Variants in PTGR2 observed in about 807,000 individuals in gnomAD.
PTGR2 encodes the protein prostaglandin reductase 2.
Under a neutral mutation model 43.4 loss-of-function variants are expected in PTGR2, and 32 were observed. The observed-to-expected ratio is 0.74, with a 90% CI of 0.56 to 0.99. The LOEUF is 0.99. Among genes scored for constraint, PTGR2 ranks in the 50% least tolerant of loss-of-function variants. The pLI, the probability that PTGR2 is intolerant of heterozygous loss-of-function variation, is 0.00. For missense variants in PTGR2, 373 were observed against 420.0 expected (o/e 0.89, Z 0.98); for synonymous variants, 106 against 139.2 (o/e 0.76, Z 1.68).
At chr14:73,863,047 C>A (rs1277001328) in intron 3 of PTGR2, among the ~76,000 whole-genome samples, 5 of 152,160 alleles carry the variant, frequency 3.3e-5, no homozygotes, top group African/African-American at 1.2e-4. Flanking sequence ...TATATTCACA[C>A]ACTATACAAT....
At position 73,880,094 on chromosome 14, in the gene PTGR2, T is replaced by A; in HGVS notation, c.769T>A (p.Ser257Thr). 6.2e-7 allele frequency: 1 copy of A among 1,613,912 alleles called. No homozygotes were observed. The highest frequency in any genetic ancestry group is 8.5e-7 in the Non-Finnish European group (1 of 1,179,850). Residue 257 changes from serine to threonine, a missense_variant, in exon 7 of 10, where the codon TCT becomes ACT. Coordinates refer to ENST00000555661, the MANE Select transcript of PTGR2 (RefSeq NM_001146154.2). ...NSHIILCGQISQYNKDVPYPP... is the reference protein window; with the variant it reads ...NSHIILCGQITQYNKDVPYPP... ...CCACATCATCCTGTGTGGTCAAATT[T>A]CTCAGTACAACAAAGATGTGCCTTA...
chr14:73,858,815 G>A lies in PTGR2; in HGVS notation c.-47-1G>A. On this transcript the variant is annotated splice_acceptor_variant, in intron 1 of 9. Coordinates refer to ENST00000555661, the MANE Select transcript of PTGR2 (RefSeq NM_001146154.2). LOFTEE classifies it low-confidence loss of function (5UTR_SPLICE). Reference sequence around the variant, plus strand: ...TGATTTAAAAATTTTTTTATTTATAGGAGTATTTTATACAGAAATCTTGTG... The same window carrying A: ...TGATTTAAAAATTTTTTTATTTATAAGAGTATTTTATACAGAAATCTTGTG... 1.3e-6 allele frequency: 2 copies of A among 1,493,826 alleles called. No individual in the cohort carries two copies. Among genetic ancestry groups the A allele is most frequent in the Non-Finnish European group, 9.2e-7 (1 of 1,087,898 alleles). 92.5% of individuals were successfully genotyped at this position (1,493,826 alleles called of 1,614,324 possible).
At chr14:73,873,528 A>G (rs111752032) in intron 3 of PTGR2, among the ~76,000 whole-genome samples, 1,673 of 150,220 alleles carry the variant, frequency 0.011, 25 homozygotes, top group African/African-American at 0.039. Flanking sequence ...ACAGTGGTGC[A>G]ATCTTGGCTC....
intron 3 of PTGR2, among the ~76,000 whole-genome samples, chr14:73,862,985 G>T (rs1426439153): frequency 6.6e-6 from 1 of 152,094 alleles, no homozygotes; most frequent in Non-Finnish European, 1.5e-5. Flanking sequence ...GAGATTTCAG[G>T]TGTGAGCCAC....
intron 3 of PTGR2, among the ~76,000 whole-genome samples, chr14:73,862,149 T>C (rs1246765511): frequency 6.6e-6 from 1 of 152,016 alleles, no homozygotes; most frequent in African/African-American, 2.4e-5. Flanking sequence ...TTTTTCATTA[T>C]TGAAGACATT....
intron 3 of PTGR2, among the ~76,000 whole-genome samples, chr14:73,865,054 G>A (rs754632864): frequency 6.6e-6 from 1 of 152,104 alleles, no homozygotes; most frequent in Non-Finnish European, 1.5e-5. Flanking sequence ...ACATAGGCAT[G>A]CACCCACAGA....
At chr14:73,857,671 T>G (rs1203725619) in intron 1 of PTGR2, among the ~76,000 whole-genome samples, 1 of 117,032 alleles carries the variant, frequency 8.5e-6, no homozygotes, top group Non-Finnish European at 1.8e-5. Flanking sequence ...AGTGTTTTTT[T>G]TTTTTTTTTT....
intron 3 of PTGR2, among the ~76,000 whole-genome samples, chr14:73,867,539 A>G (rs1296973093): frequency 6.6e-6 from 1 of 152,178 alleles, no homozygotes; most frequent in African/African-American, 2.4e-5. Context: ...AAATGATGGA[A>G]CAACTAGGAT....
chr14:73,879,971 T>A, intron 6 of PTGR2, 84 bp from the exon 7 acceptor site: 1 of 1,373,640 alleles, frequency 7.3e-7, no homozygotes, highest in South Asian at 1.2e-5. Context: ...AAGGATTAAA[T>A]AGTCAAGGAG....
intron 3 of PTGR2, among the ~76,000 whole-genome samples, chr14:73,863,177 A>G (rs1395813322): frequency 6.6e-6 from 1 of 152,210 alleles, no homozygotes; most frequent in Non-Finnish European, 1.5e-5. Flanking sequence ...CCTATGGTAT[A>G]ATTAGCAATC....
At chr14:73,875,109 C>T (rs1419284289) in intron 4 of PTGR2, among the ~76,000 whole-genome samples, 1 of 152,196 alleles carries the variant, frequency 6.6e-6, no homozygotes, top group East Asian at 1.9e-4. Context: ...ATCTGTCTGT[C>T]TTGGTCTCCC....
intron 4 of PTGR2, chr14:73,874,542 A>G: frequency 2.1e-6 from 1 of 470,716 alleles, no homozygotes; most frequent in East Asian, 6.5e-5. Flanking sequence ...AGATGGTTGA[A>G]GGTGTTCTTT....
chr14:73,877,276 A>C, intron 5 of PTGR2, 108 bp downstream of exon 5: 1 of 1,078,168 alleles, frequency 9.3e-7, no homozygotes, highest in Non-Finnish European at 1.3e-6. Flanking sequence ...AATTGGATAA[A>C]TTTTTTTTTT....
At chr14:73,853,271 A>C (rs1302321403) in intron 1 of PTGR2, among the ~76,000 whole-genome samples, 2 of 152,072 alleles carry the variant, frequency 1.3e-5, no homozygotes, top group Non-Finnish European at 2.9e-5. Flanking sequence ...CGTTATTACA[A>C]GTTGGGCGAC....
intron 7 of PTGR2, 111 bp from the exon 8 acceptor site, chr14:73,881,094 A>G: frequency 3.0e-6 from 2 of 663,186 alleles, no homozygotes; most frequent in Non-Finnish European, 5.5e-6. Flanking sequence ...TCAATGTGTT[A>G]TGTCCTAATA....
intron 7 of PTGR2, among the ~76,000 whole-genome samples, chr14:73,880,884 T>C (rs1257859782): frequency 1.3e-5 from 2 of 152,028 alleles, no homozygotes; most frequent in African/African-American, 4.8e-5. Flanking sequence ...AAAACCACCG[T>C]CTCCCAGGTT....
intron 6 of PTGR2, 181 bp from the exon 7 acceptor site, chr14:73,879,874 C>T: frequency 1.9e-6 from 1 of 537,038 alleles, no homozygotes. Flanking sequence ...CTTGGTGTTC[C>T]TTTGGAATGT....
At chr14:73,856,656 C>T (rs2054354030) in intron 1 of PTGR2, among the ~76,000 whole-genome samples, 1 of 152,224 alleles carries the variant, frequency 6.6e-6, no homozygotes, top group African/African-American at 2.4e-5. Context: ...AGTACAGCAA[C>T]ATGCCATATA....
chr14:73,860,797 A>C (rs957954075), intron 3 of PTGR2, 140 bp downstream of exon 3: 1 of 534,260 alleles, frequency 1.9e-6, no homozygotes, highest in African/African-American at 2.0e-5. Context: ...TTAATTATAG[A>C]TTGCCTTTGT....
Sources: gnomAD v4.1 joint callset for allele counts (sites outside exome capture counted in the v4.1 genomes callset) on GRCh38, gnomAD v4.1.1 for gene constraint, MANE v1.5 for transcripts, NCBI Gene and HGNC (gene_info 2026-07-23, HGNC 2026-07-21) for gene names.